The following MTUS2 variants were observed in gnomAD, a reference collection of about 807,000 sequenced individuals.
MTUS2 encodes microtubule associated scaffold protein 2.
In MTUS2, 40 loss-of-function variants were observed where a neutral mutation model predicts 114.1. That is an observed-to-expected ratio of 0.35 (90% CI 0.27 to 0.46). The LOEUF (loss-of-function observed/expected upper bound fraction) is 0.46, where lower values mean the gene tolerates loss of function less well. Among genes scored for constraint, MTUS2 ranks in the 20% least tolerant of loss-of-function variants. The pLI is 1.00. For missense variants in MTUS2, 1,679 were observed against 1,705.4 expected, an observed-to-expected ratio of 0.98 and a Z score of 0.27; for synonymous variants, 688 against 672.0, an observed-to-expected ratio of 1.02 and a Z score of -0.37.
At chr13:29,000,361 C>CT (rs1179839277) in intron 2 of MTUS2, among the ~76,000 whole-genome samples, 2 of 151,616 alleles carry the variant, frequency 1.3e-5, no homozygotes, top group Admixed American at 6.6e-5. Flanking sequence ...GTGTTTTTTC[C>CT]TTTTTTTTCT....
intron 4 of MTUS2, among the ~76,000 whole-genome samples, chr13:29,057,087 G>A (rs1888168706): frequency 6.6e-6 from 1 of 152,038 alleles, no homozygotes; most frequent in Admixed American, 6.6e-5. Flanking sequence ...GGGGTAGGTG[G>A]TTTAATTTCC....
intron 7 of MTUS2, among the ~76,000 whole-genome samples, chr13:29,334,890 C>T (rs1900973609): frequency 6.6e-6 from 1 of 152,218 alleles, no homozygotes; most frequent in African/African-American, 2.4e-5. Context: ...TTACTTTAAT[C>T]TCTTAATCCT....
At chr13:29,087,094 T>C (rs972939981) in intron 4 of MTUS2, among the ~76,000 whole-genome samples, 3 of 152,222 alleles carry the variant, frequency 2.0e-5, no homozygotes, top group African/African-American at 7.2e-5. Context: ...TGCCTTTATT[T>C]ATTTCTCTTG....
At chr13:29,375,636 TATAC>T (rs1255430414) in intron 8 of MTUS2, among the ~76,000 whole-genome samples, 4 of 8,926 alleles carry the variant, frequency 4.5e-4, no homozygotes, top group Non-Finnish European at 5.3e-4. Context: ...TATATATATA[TATAC>T]ACACACCATG....
In MTUS2 at chr13:29,305,333, A is replaced by G. The variant is rs186845955; in HGVS notation, c.2807-19280A>G. 1.3e-3 allele frequency among the ~76,000 whole-genome samples: 186 copies of G among 142,538 alleles called. 2 individuals are homozygous for G. Among genetic ancestry groups the G allele is most frequent in the African/African-American group, 4.7e-3 (182 of 39,092 alleles). 93.5% of individuals were successfully genotyped at this position (142,538 alleles called of 152,430 possible). On this transcript the variant is annotated intron_variant, in intron 6 of 15. Coordinates refer to ENST00000612955, the MANE Select transcript of MTUS2 (RefSeq NM_001033602.4). ...CAGACATGAAAAAACCTGTTAAAAA[A>G]TCAACAAATCCAGAAGCTAGTTTTG...
chr13:29,081,247 T>G (rs1889427885), intron 4 of MTUS2, among the ~76,000 whole-genome samples: 1 of 152,064 alleles, frequency 6.6e-6, no homozygotes, highest in African/African-American at 2.4e-5. Context: ...CATCTAGGCT[T>G]TGTGATCAGT....
intron 2 of MTUS2, among the ~76,000 whole-genome samples, chr13:28,924,614 G>T (rs1704264903): frequency 6.6e-6 from 1 of 152,204 alleles, no homozygotes; most frequent in Admixed American, 6.5e-5. Context: ...GCCCCTCTGT[G>T]TGGATGATGC....
intron 10 of MTUS2, among the ~76,000 whole-genome samples, chr13:29,482,826 A>G (rs1881296266): frequency 6.6e-6 from 1 of 152,210 alleles, no homozygotes; most frequent in Non-Finnish European, 1.5e-5. Context: ...GTTTGGGGGA[A>G]CCGGAGAGTG....
Position 29,077,292 on chromosome 13 carries a change from G to C in MTUS2, c.2447-23481G>C, listed in dbSNP as rs1301771568. Among the ~76,000 whole-genome samples, 7 of 151,972 alleles carry C rather than the reference G, an allele frequency of 4.6e-5. 1 individual carries two copies. Among genetic ancestry groups the C allele is most frequent in the Non-Finnish European group, 1.0e-4 (7 of 68,010 alleles). Reference sequence around the variant, plus strand: ...TATGTTTCCAAGCAAGGTGAGAGAGGAAGAATTGCTTCTCAGCCATGTGAA... The same window carrying C: ...TATGTTTCCAAGCAAGGTGAGAGAGCAAGAATTGCTTCTCAGCCATGTGAA... On this transcript the variant is annotated intron_variant, in intron 4 of 15. Coordinates refer to ENST00000612955, the MANE Select transcript of MTUS2 (RefSeq NM_001033602.4).
intron 4 of MTUS2, among the ~76,000 whole-genome samples, chr13:29,041,498 A>G (rs1197577427): frequency 6.6e-6 from 1 of 152,108 alleles, no homozygotes; most frequent in Admixed American, 6.6e-5. Context: ...TGGTATATTG[A>G]TGGAAATTGC....
chr13:28,905,918 G>C (rs1320325948), intron 2 of MTUS2, among the ~76,000 whole-genome samples: 1 of 151,564 alleles, frequency 6.6e-6, no homozygotes, highest in East Asian at 1.9e-4. Context: ...ATTGATTATT[G>C]CCACAATTTC....
chr13:29,251,371 TA>T (rs1897119424), intron 5 of MTUS2, among the ~76,000 whole-genome samples: 1 of 152,044 alleles, frequency 6.6e-6, no homozygotes, highest in African/African-American at 2.4e-5. Flanking sequence ...TTTTAAAACT[TA>T]CATTTTGACC....
chr13:29,228,082 C>T (rs1038825722), intron 5 of MTUS2, among the ~76,000 whole-genome samples: 3 of 152,080 alleles, frequency 2.0e-5, no homozygotes, highest in African/African-American at 7.2e-5. Flanking sequence ...ATCTGTCTCA[C>T]AGAAATAAAA....
intron 9 of MTUS2, among the ~76,000 whole-genome samples, chr13:29,478,551 C>T (rs1031055750): frequency 2.6e-5 from 4 of 152,148 alleles, no homozygotes; most frequent in African/African-American, 9.7e-5. Flanking sequence ...CAACAAAAGC[C>T]TTTTTTGAGG....
At chr13:29,340,098 T>A (rs1036239744) in intron 7 of MTUS2, among the ~76,000 whole-genome samples, 1 of 152,202 alleles carries the variant, frequency 6.6e-6, no homozygotes. Context: ...CCTCTGGCCA[T>A]AGGGTTCCGC....
chr13:29,464,694 G>A (rs949090776), intron 9 of MTUS2, among the ~76,000 whole-genome samples: 12 of 152,248 alleles, frequency 7.9e-5, no homozygotes, highest in African/African-American at 2.4e-4. Context: ...TTCACAACCT[G>A]AATTAGCGTC....
Position 29,101,080 on chromosome 13 carries a change from C to T in MTUS2, c.2644+110C>T, listed in dbSNP as rs891048265. The T allele has an allele frequency of 7.0e-6, 8 of 1,150,328 alleles. No homozygotes were observed. The African/African-American group carries it at 1.1e-4, about 16-fold the overall frequency. 71.3% of individuals were successfully genotyped at this position (1,150,328 alleles called of 1,614,324 possible). ...ATTATTTAAGAATTTGCATCACCTC[C>T]CTTAGCTTCCCATTGTTGTGTTATT... On this transcript the variant is annotated intron_variant, in intron 5 of 15. Coordinates refer to ENST00000612955, the MANE Select transcript of MTUS2 (RefSeq NM_001033602.4).
intron 6 of MTUS2, among the ~76,000 whole-genome samples, chr13:29,285,646 G>A (rs1898449964): frequency 6.6e-6 from 1 of 152,152 alleles, no homozygotes; most frequent in Admixed American, 6.5e-5. Context: ...CCTAGACTCT[G>A]GGAAGCTCTA....
intron 9 of MTUS2, among the ~76,000 whole-genome samples, chr13:29,478,988 A>G (rs951933540): frequency 6.6e-6 from 1 of 152,212 alleles, no homozygotes; most frequent in African/African-American, 2.4e-5. Flanking sequence ...TCAGAGCCAA[A>G]TGTGGCAAAG....
Sources: allele counts gnomAD v4.1 joint callset (sites outside exome capture counted in the v4.1 genomes callset), GRCh38; gene constraint gnomAD v4.1.1; transcripts MANE v1.5; gene names NCBI Gene and HGNC (gene_info 2026-07-23, HGNC 2026-07-21).